Variants in SDK1 observed in about 807,000 individuals in gnomAD.
The protein encoded by SDK1 is protein sidekick-1.
SDK1 carries 157 observed loss-of-function variants against 245.5 expected under a neutral mutation model. The ratio of observed to expected loss-of-function variants is 0.64; its 90% CI spans 0.56 to 0.73. SDK1 has a LOEUF of 0.73. Among genes scored for constraint, SDK1 ranks in the 30% least tolerant of loss-of-function variants. The pLI, the probability that SDK1 is intolerant of heterozygous loss-of-function variation, is 0.00. For missense variants in SDK1, 3,583 were observed against 3,002.3 expected, an observed-to-expected ratio of 1.19 and a Z score of -4.52; for synonymous variants, 1,647 against 1,278.5, an observed-to-expected ratio of 1.29 and a Z score of -6.15.
intron 4 of SDK1, among the ~76,000 whole-genome samples, chr7:3,799,704 CAA>C (rs34448201): frequency 0.1 from 11,078 of 108,892 alleles, 714 homozygotes; most frequent in African/African-American, 0.24. Flanking sequence ...GACTCCATCT[CAA>C]AAAAAAAAAA....
intron 1 of SDK1, among the ~76,000 whole-genome samples, chr7:3,519,294 A>C (rs1433154740): frequency 6.6e-6 from 1 of 152,142 alleles, no homozygotes; most frequent in African/African-American, 2.4e-5. Context: ...ACTGTTCCCA[A>C]CACAAAGAAG....
At chr7:3,344,028 A>C (rs953493678) in intron 1 of SDK1, among the ~76,000 whole-genome samples, 6 of 151,950 alleles carry the variant, frequency 3.9e-5, no homozygotes, top group African/African-American at 1.2e-4. Flanking sequence ...CAAAAAAAAA[A>C]AAAAAAAACT....
chr7:3,892,729 G>A (rs1368308539), intron 5 of SDK1, among the ~76,000 whole-genome samples: 1 of 152,148 alleles, frequency 6.6e-6, no homozygotes, highest in South Asian at 2.1e-4. Context: ...GAGACCGGAG[G>A]CCCTCCAGTC....
chr7:3,801,356 G>T (rs75144370), intron 4 of SDK1, among the ~76,000 whole-genome samples: 2 of 152,264 alleles, frequency 1.3e-5, no homozygotes, highest in Non-Finnish European at 2.9e-5. Flanking sequence ...TCATTGCAAG[G>T]TTATAATTAA....
intron 1 of SDK1, among the ~76,000 whole-genome samples, chr7:3,361,883 C>T (rs1780962434): frequency 6.6e-6 from 1 of 152,146 alleles, no homozygotes; most frequent in Non-Finnish European, 1.5e-5. Flanking sequence ...TATGCACAAC[C>T]TGGCAATTTT....
chr7:3,794,383 T>G (rs1778911371), intron 4 of SDK1, among the ~76,000 whole-genome samples: 1 of 152,190 alleles, frequency 6.6e-6, no homozygotes, highest in Admixed American at 6.5e-5. Flanking sequence ...GGCAAGGGCA[T>G]AGCTTTGGGA....
intron 5 of SDK1, among the ~76,000 whole-genome samples, chr7:3,883,001 C>T (rs559572063): frequency 6.6e-6 from 1 of 152,264 alleles, no homozygotes; most frequent in South Asian, 2.1e-4. Context: ...GGAAGGGCCG[C>T]CCAGATGTGA....
chr7:3,500,198 C>T (rs1782154098), intron 1 of SDK1, among the ~76,000 whole-genome samples: 3 of 152,078 alleles, frequency 2.0e-5, no homozygotes. Flanking sequence ...TAGCTCTGAT[C>T]CTGTGATCAC....
chr7:3,775,658 G>T (rs1195329976), intron 4 of SDK1, among the ~76,000 whole-genome samples: 3 of 150,888 alleles, frequency 2.0e-5, no homozygotes, highest in Admixed American at 2.0e-4. Flanking sequence ...CTCACTCCAA[G>T]CTCTGCTTCC....
intron 32 of SDK1, among the ~76,000 whole-genome samples, chr7:4,165,462 C>G (rs1361480310): frequency 6.6e-6 from 1 of 152,166 alleles, no homozygotes; most frequent in African/African-American, 2.4e-5. Flanking sequence ...CTTAGTAGGA[C>G]AGTCAATCCT....
chr7:3,563,663 AGAGGTG>A (rs1481023356), intron 1 of SDK1, among the ~76,000 whole-genome samples: 1 of 152,212 alleles, frequency 6.6e-6, no homozygotes, highest in Non-Finnish European at 1.5e-5. Flanking sequence ...AAAAGCAGGC[AGAGGTG>A]GAGAAAACTT....
chr7:4,204,471 G>A (rs1784078629), intron 35 of SDK1, among the ~76,000 whole-genome samples: 1 of 152,104 alleles, frequency 6.6e-6, no homozygotes, highest in Admixed American at 6.5e-5. Context: ...GTTGGTGTCA[G>A]GCTGAGTGGG....
Position 4,170,401 on chromosome 7 carries a change from C to T in SDK1, c.4801-3821C>T, listed in dbSNP as rs190067259. Among the ~76,000 whole-genome samples the T allele has an allele frequency of 3.0e-4, 46 of 152,142 alleles. No homozygotes were observed. In the East Asian group the frequency reaches 6.4e-3, roughly 21 times the overall value. On this transcript the variant is annotated intron_variant, in intron 32 of 44. Transcript: ENST00000404826. ...GGTCGAGGCTGCAGTGAGCTCTGAT[C>T]GCACCCCTGCACTCCAGCCTGGGTG...
intron 17 of SDK1, among the ~76,000 whole-genome samples, chr7:4,039,238 C>T (rs896824230): frequency 4.0e-5 from 6 of 151,654 alleles, no homozygotes; most frequent in Non-Finnish European, 7.4e-5. Flanking sequence ...ACCAACATGG[C>T]ACATGTATAC....
chr7:3,822,172 C>T (rs950298988), intron 5 of SDK1, among the ~76,000 whole-genome samples: 1 of 152,146 alleles, frequency 6.6e-6, no homozygotes, highest in Non-Finnish European at 1.5e-5. Context: ...TTAAATTCTA[C>T]TAGCAAGAGT....
intron 17 of SDK1, among the ~76,000 whole-genome samples, chr7:4,029,941 G>T (rs553627152): frequency 6.6e-6 from 1 of 152,336 alleles, no homozygotes; most frequent in South Asian, 2.1e-4. Context: ...AACCACTAAC[G>T]TGGCAGCAGG....
At chr7:4,108,033 G>A (rs764747044) in intron 22 of SDK1, among the ~76,000 whole-genome samples, 13 of 152,156 alleles carry the variant, frequency 8.5e-5, no homozygotes, top group Non-Finnish European at 1.6e-4. Flanking sequence ...AATATCGCAC[G>A]GCTCCTCTCC....
At chr7:3,891,088 A>C (rs1308808306) in intron 5 of SDK1, among the ~76,000 whole-genome samples, 2 of 152,152 alleles carry the variant, frequency 1.3e-5, no homozygotes, top group Non-Finnish European at 2.9e-5. Flanking sequence ...TCCTTCAAGC[A>C]CCGGAATAGA....
chr7:4,121,161 G>A (rs537957397), intron 25 of SDK1, among the ~76,000 whole-genome samples: 13 of 152,104 alleles, frequency 8.5e-5, no homozygotes, highest in Non-Finnish European at 1.5e-4. Flanking sequence ...TTTCTCTAGC[G>A]ATGTTGTTTA....
Sources: allele counts gnomAD v4.1 joint callset (sites outside exome capture counted in the v4.1 genomes callset), GRCh38; gene constraint gnomAD v4.1.1; transcripts MANE v1.5; gene names NCBI Gene and HGNC (gene_info 2026-07-23, HGNC 2026-07-21).